The following DTHD1 variants were observed in gnomAD, a reference collection of about 807,000 sequenced individuals.
The protein encoded by DTHD1 is death domain containing 1, also known as death domain-containing protein 1.
Under a neutral mutation model 74.8 loss-of-function variants are expected in DTHD1, and 59 were observed. That is an observed-to-expected ratio of 0.79 (90% CI 0.64 to 0.98). The LOEUF (loss-of-function observed/expected upper bound fraction) is 0.98. DTHD1 is among the 50% of genes least tolerant of loss of function. The pLI, the probability that DTHD1 is intolerant of heterozygous loss-of-function variation, is 0.00. For missense variants in DTHD1, 1,051 were observed against 1,065.4 expected, an observed-to-expected ratio of 0.99 and a Z score of 0.19; for synonymous variants, 365 against 371.1, an observed-to-expected ratio of 0.98 and a Z score of 0.19.
intron 5 of DTHD1, among the ~76,000 whole-genome samples, chr4:36,296,235 C>T (rs959036500): frequency 6.6e-6 from 1 of 152,136 alleles, no homozygotes; most frequent in African/African-American, 2.4e-5. Flanking sequence ...TCAGGGTTTT[C>T]ATCCTACAAA....
In DTHD1 at chr4:36,347,118, A is replaced by C. The variant is rs1264137777; in HGVS notation, c.*3294A>C. Among the ~76,000 whole-genome samples, 1 of 152,202 alleles carries C rather than the reference A, an allele frequency of 6.6e-6. No homozygotes were observed. The highest frequency in any genetic ancestry group is 1.5e-5 in the Non-Finnish European group (1 of 68,034). The stretch of plus-strand genomic sequence containing the variant: ...AGAATGGGAGTCATATATTATATAT[A>C]CAGTTTTTAAAATTACTGTCTTATT... On this transcript the variant is annotated 3_prime_UTR_variant, in exon 10 of 10. Coordinates refer to ENST00000639862, the MANE Select transcript of DTHD1 (RefSeq NM_001170700.3).
intron 5 of DTHD1, among the ~76,000 whole-genome samples, chr4:36,300,795 G>A (rs1221564483): frequency 6.6e-6 from 1 of 152,024 alleles, no homozygotes; most frequent in Admixed American, 6.6e-5. Flanking sequence ...TGTCAACGCA[G>A]GCAAATCTCA....
chr4:36,334,040 G>GT (rs1208032628), intron 8 of DTHD1: 16 of 152,264 alleles, frequency 1.1e-4, no homozygotes, highest in Admixed American at 8.5e-4. Context: ...GCAATCTGAA[G>GT]TTTACTTTTG....
chr4:36,328,181 G>T (rs774122137), intron 8 of DTHD1, among the ~76,000 whole-genome samples: 2 of 152,122 alleles, frequency 1.3e-5, no homozygotes, highest in African/African-American at 4.8e-5. Flanking sequence ...TTTCCAAATC[G>T]AATTTCTGTA....
In DTHD1 at chr4:36,344,665, G is replaced by A. The variant is rs1578505699; in HGVS notation, c.*841G>A. 6.6e-6 allele frequency: 1 copy of A among 152,144 alleles called. No homozygotes were observed. Among genetic ancestry groups the A allele is most frequent in the South Asian group, 2.1e-4 (1 of 4,824 alleles). 9.4% of individuals were successfully genotyped at this position (152,144 alleles called of 1,614,324 possible). ...AAATTTATGCTGGCCAGCTTTTCCT[G>A]AATTCCAAAAGAGAGGAGGGTATTA... On this transcript the variant is annotated 3_prime_UTR_variant, in exon 10 of 10. Transcript: ENST00000639862.
At chr4:36,288,736 G>A (rs1755872738) in intron 2 of DTHD1, among the ~76,000 whole-genome samples, 1 of 152,090 alleles carries the variant, frequency 6.6e-6, no homozygotes, top group South Asian at 2.1e-4. Context: ...TATTTGACTA[G>A]GGCTAAAGAG....
chr4:36,344,846 T>C lies in DTHD1; in HGVS notation c.*1022T>C, dbSNP rs916036491. ...ACTCAGGCAACCAATTCAAGTTACA[T>C]AGATACCATAGAGCCTACAGTAAAC... On this transcript the variant is annotated 3_prime_UTR_variant, in exon 10 of 10. Transcript: ENST00000639862. 6.6e-6 allele frequency: 1 copy of C among 152,056 alleles called. No homozygotes were observed. Among genetic ancestry groups the C allele is most frequent in the Admixed American group, 6.6e-5 (1 of 15,258 alleles). The allele number at this position is 152,056 out of a possible 1,614,324, so 9.4% of individuals were successfully genotyped here. A position where few individuals can be genotyped will look rare whatever the true frequency, so the allele number is the denominator to read the frequency against.
chr4:36,290,328 A>G (rs1755988491), intron 2 of DTHD1, 45 bp from the exon 3 acceptor site: 1 of 1,499,116 alleles, frequency 6.7e-7, no homozygotes, highest in Non-Finnish European at 8.9e-7. Flanking sequence ...TGTAAAGTAC[A>G]TAAATCAAAT....
At chr4:36,312,226 T>A (rs1000231728) in intron 7 of DTHD1, among the ~76,000 whole-genome samples, 2 of 151,710 alleles carry the variant, frequency 1.3e-5, no homozygotes, top group South Asian at 4.2e-4. Flanking sequence ...CACCATGGCA[T>A]CATCCATAAC....
At chr4:36,286,304 C>A (rs566886188) in intron 2 of DTHD1, among the ~76,000 whole-genome samples, 1 of 152,212 alleles carries the variant, frequency 6.6e-6, no homozygotes, top group Non-Finnish European at 1.5e-5. Flanking sequence ...ATTGCCTGAA[C>A]TACTCCCTCT....
intron 9 of DTHD1, among the ~76,000 whole-genome samples, chr4:36,341,830 G>A (rs1376590179): frequency 1.3e-5 from 2 of 152,198 alleles, no homozygotes; most frequent in Admixed American, 6.5e-5. Flanking sequence ...ACCCTGCAGA[G>A]GTGACCGAAT....
intron 8 of DTHD1, among the ~76,000 whole-genome samples, chr4:36,327,793 T>G (rs1480705465): frequency 1.3e-5 from 2 of 152,230 alleles, no homozygotes. Flanking sequence ...ATTTATATTT[T>G]CTGAAATATC....
At chr4:36,316,052 C>T (rs1218908507) in intron 7 of DTHD1, among the ~76,000 whole-genome samples, 190 bp from the exon 8 acceptor site, 1 of 152,220 alleles carries the variant, frequency 6.6e-6, no homozygotes, top group Admixed American at 6.5e-5. Context: ...TCTCCTGTCT[C>T]AGCCTCCCGA....
In DTHD1 at chr4:36,347,288, C is replaced by T. The variant is rs1409096193; in HGVS notation, c.*3464C>T. Among the ~76,000 whole-genome samples, 3 of 152,050 alleles carry T rather than the reference C, an allele frequency of 2.0e-5. No individual in the cohort carries two copies. ...GCAGTATATATTCTTTTATGTTTGA[C>T]TTTTTATTCAACTTTATGTTGCTGA... On this transcript the variant is annotated 3_prime_UTR_variant, in exon 10 of 10. Transcript: ENST00000639862.
At chr4:36,333,529 C>T (rs1758819012) in intron 8 of DTHD1, 1 of 152,138 alleles carries the variant, frequency 6.6e-6, no homozygotes, top group African/African-American at 2.4e-5. Flanking sequence ...CACTAACAGA[C>T]AATTGCTTCG....
intron 2 of DTHD1, among the ~76,000 whole-genome samples, chr4:36,288,819 T>G (rs1424307500): frequency 6.6e-6 from 1 of 152,220 alleles, no homozygotes; most frequent in Non-Finnish European, 1.5e-5. Flanking sequence ...GGAAGAAAAG[T>G]GTATTCAGAT....
chr4:36,297,703 G>T (rs1432525353), intron 5 of DTHD1, among the ~76,000 whole-genome samples: 1 of 152,094 alleles, frequency 6.6e-6, no homozygotes, highest in Non-Finnish European at 1.5e-5. Context: ...GCTGGAGGTT[G>T]TATCGTATGT....
intron 5 of DTHD1, among the ~76,000 whole-genome samples, chr4:36,298,232 C>A (rs1025292081): frequency 5.3e-5 from 8 of 152,052 alleles, no homozygotes; most frequent in African/African-American, 1.4e-4. Flanking sequence ...ATCCTTTGTA[C>A]ACATCCCACA....
intron 9 of DTHD1, among the ~76,000 whole-genome samples, chr4:36,341,826 C>T (rs1759330474): frequency 6.6e-6 from 1 of 152,148 alleles, no homozygotes; most frequent in Admixed American, 6.5e-5. Context: ...TGAGACCCTG[C>T]AGAGGTGACC....
Sources: allele counts gnomAD v4.1 joint callset (sites outside exome capture counted in the v4.1 genomes callset), GRCh38; gene constraint gnomAD v4.1.1; transcripts MANE v1.5; gene names NCBI Gene and HGNC (gene_info 2026-07-23, HGNC 2026-07-21).